Variants in POPDC3 observed in about 807,000 individuals in gnomAD.
POPDC3 encodes popeye domain-containing protein 3.
POPDC3 carries 20 observed loss-of-function variants against 28.2 expected under a neutral mutation model. The ratio of observed to expected loss-of-function variants is 0.71; its 90% CI spans 0.50 to 1.03. The LOEUF is 1.03. Among genes scored for constraint, POPDC3 ranks in the 50% least tolerant of loss-of-function variants. The pLI, the probability that POPDC3 is intolerant of heterozygous loss-of-function variation, is 0.00. For missense variants in POPDC3, 316 were observed against 345.9 expected (o/e 0.91, Z 0.69); for synonymous variants, 118 against 124.1 (o/e 0.95, Z 0.33).
chr6:105,166,773 C>G, intron 1 of POPDC3: 1 of 338,666 alleles, frequency 3.0e-6, no homozygotes, highest in Middle Eastern at 3.9e-4. Flanking sequence ...TCATACTGAC[C>G]ATTATGTATA....
At chr6:105,173,289 C>G (rs1774616919) in intron 1 of POPDC3, among the ~76,000 whole-genome samples, 1 of 152,154 alleles carries the variant, frequency 6.6e-6, no homozygotes, top group Non-Finnish European at 1.5e-5. Context: ...TTTTAAAGTG[C>G]TTCTGTTTAT....
At chr6:105,166,365 C>T (rs910712865) in intron 1 of POPDC3, among the ~76,000 whole-genome samples, 3 of 147,494 alleles carry the variant, frequency 2.0e-5, no homozygotes, top group Non-Finnish European at 3.0e-5. Context: ...GTTTTGTCGC[C>T]GGGGCACTGA....
chr6:105,178,261 A>C (rs1012323150), intron 1 of POPDC3, among the ~76,000 whole-genome samples: 1 of 152,204 alleles, frequency 6.6e-6, no homozygotes, highest in African/African-American at 2.4e-5. Context: ...GCTTCATAAC[A>C]TTCTTAATTC....
At chr6:105,159,344 A>G (rs1774269129) in intron 3 of POPDC3, among the ~76,000 whole-genome samples, 1 of 152,198 alleles carries the variant, frequency 6.6e-6, no homozygotes, top group Non-Finnish European at 1.5e-5. Flanking sequence ...TTTAAAAATC[A>G]TTTATTTTTT....
At chr6:105,172,978 T>G (rs7749438) in intron 1 of POPDC3, among the ~76,000 whole-genome samples, 28,592 of 152,014 alleles carry the variant, frequency 0.19, 4,273 homozygotes, top group African/African-American at 0.42. Flanking sequence ...ATGGCACATG[T>G]ATACATATGT....
intron 2 of POPDC3, among the ~76,000 whole-genome samples, chr6:105,160,327 T>G (rs1280879989): frequency 1.3e-5 from 2 of 152,192 alleles, no homozygotes; most frequent in African/African-American, 4.8e-5. Context: ...TTCTTGTGCC[T>G]CAGCCTCCTG....
intron 1 of POPDC3, chr6:105,166,634 C>T (rs972409927): frequency 6.4e-6 from 3 of 470,922 alleles, no homozygotes; most frequent in Admixed American, 2.4e-5. Context: ...CTCATCAGTC[C>T]AAGAGGGATG....
intron 1 of POPDC3, among the ~76,000 whole-genome samples, chr6:105,173,521 T>G (rs1774622796): frequency 1.3e-5 from 2 of 152,156 alleles, no homozygotes; most frequent in South Asian, 4.1e-4. Context: ...CTACTACATG[T>G]ATATTATTTC....
At chr6:105,175,552 T>C (rs560726328) in intron 1 of POPDC3, among the ~76,000 whole-genome samples, 1 of 147,542 alleles carries the variant, frequency 6.8e-6, no homozygotes, top group Non-Finnish European at 1.5e-5. Context: ...ATTAAAAAAA[T>C]AAAAAATAGG....
intron 1 of POPDC3, among the ~76,000 whole-genome samples, chr6:105,164,301 T>A (rs1774413270): frequency 6.6e-6 from 1 of 152,204 alleles, no homozygotes; most frequent in Non-Finnish European, 1.5e-5. Context: ...GGGAATCCTG[T>A]CTCCTTAAAA....
intron 2 of POPDC3, 37 bp from the exon 3 acceptor site, chr6:105,159,856 A>G: frequency 1.4e-6 from 2 of 1,420,076 alleles, no homozygotes; most frequent in Non-Finnish European, 9.9e-7. Flanking sequence ...TAAGGGAAGG[A>G]GAAAGAGAGC....
chr6:105,164,840 C>T (rs1040980856), intron 1 of POPDC3, among the ~76,000 whole-genome samples: 7 of 152,176 alleles, frequency 4.6e-5, no homozygotes, highest in Non-Finnish European at 8.8e-5. Context: ...CACAGTTGTT[C>T]CAAGCTCATC....
intron 1 of POPDC3, among the ~76,000 whole-genome samples, chr6:105,175,226 C>T: frequency 6.6e-6 from 1 of 151,646 alleles, no homozygotes; most frequent in Non-Finnish European, 1.5e-5. Flanking sequence ...TGTTATAGAT[C>T]CTCACAATAT....
chr6:105,175,828 G>A (rs1774672806), intron 1 of POPDC3, among the ~76,000 whole-genome samples: 1 of 151,840 alleles, frequency 6.6e-6, no homozygotes, highest in African/African-American at 2.4e-5. Context: ...GGGTGACAGA[G>A]TGAGACTCTG....
chr6:105,168,895 T>C (rs899232841), intron 1 of POPDC3: 4 of 152,174 alleles, frequency 2.6e-5, no homozygotes, highest in Non-Finnish European at 2.9e-5. Context: ...ACTGGGACTT[T>C]AGTCCTATAA....
intron 1 of POPDC3, among the ~76,000 whole-genome samples, chr6:105,167,180 C>T (rs189993769): frequency 6.0e-5 from 9 of 150,836 alleles, no homozygotes; most frequent in Admixed American, 6.6e-5. Context: ...AACAGAGGAA[C>T]GAAGAAGGGT....
intron 1 of POPDC3, 67 bp from the exon 2 acceptor site, chr6:105,162,227 T>G: frequency 2.1e-6 from 2 of 946,762 alleles, no homozygotes; most frequent in Non-Finnish European, 2.6e-6. Context: ...GTATATTTAA[T>G]GATCAGCAGC....
At chr6:105,162,727 C>T (rs1174619041) in intron 1 of POPDC3, among the ~76,000 whole-genome samples, 2 of 152,176 alleles carry the variant, frequency 1.3e-5, no homozygotes, top group Non-Finnish European at 2.9e-5. Context: ...GAGTAAGACT[C>T]TGTATTAATA....
chr6:105,162,389 C>T (rs1184535225), intron 1 of POPDC3, among the ~76,000 whole-genome samples: 1 of 152,146 alleles, frequency 6.6e-6, no homozygotes, highest in Admixed American at 6.5e-5. Flanking sequence ...ATATTAATCT[C>T]GTCTCTATGG....
Sources: allele counts gnomAD v4.1 joint callset (sites outside exome capture counted in the v4.1 genomes callset), GRCh38; gene constraint gnomAD v4.1.1; transcripts MANE v1.5; gene names NCBI Gene and HGNC (gene_info 2026-07-23, HGNC 2026-07-21).